The following TTLL5 variants were observed in gnomAD, a reference collection of about 807,000 sequenced individuals.
The protein encoded by TTLL5 is tubulin tyrosine ligase like 5.
Under a neutral mutation model 168.4 loss-of-function variants are expected in TTLL5, and 132 were observed. The observed-to-expected ratio is 0.78, with a 90% CI of 0.68 to 0.91. The LOEUF (loss-of-function observed/expected upper bound fraction) is 0.91, where lower values mean the gene tolerates loss of function less well. TTLL5 is among the 40% of genes least tolerant of loss of function. The pLI is 0.00. For missense variants in TTLL5, 1,545 were observed against 1,581.5 expected, an observed-to-expected ratio of 0.98 and a Z score of 0.39; for synonymous variants, 546 against 558.6, an observed-to-expected ratio of 0.98 and a Z score of 0.32.
chr14:75,716,316 T>C (rs1234404836), intron 9 of TTLL5, among the ~76,000 whole-genome samples: 1 of 152,216 alleles, frequency 6.6e-6, no homozygotes, highest in African/African-American at 2.4e-5. Context: ...TTTAGCCTAG[T>C]CATCATTTTC....
rs1188583905 is a variant in TTLL5, at chr14:75,904,213, A to AG, written c.3823+1989_3823+1990insG. 3 of 1,217,552 alleles carry AG rather than the reference A, an allele frequency of 2.5e-6. No individual in the cohort carries two copies. The African/African-American group carries it at 4.9e-5, about 20-fold the overall frequency. 75.4% of individuals were successfully genotyped at this position (1,217,552 alleles called of 1,614,324 possible). ...TCACCTCACTCCTCCAAAAAAAAAA[A>AG]AAAGGAAAGAAAAAAAGAATTACTA... On this transcript the variant is annotated intron_variant, in intron 31 of 31. Coordinates refer to ENST00000298832, the MANE Select transcript of TTLL5 (RefSeq NM_015072.5).
intron 29 of TTLL5, among the ~76,000 whole-genome samples, chr14:75,867,391 A>G (rs1247874488): frequency 6.6e-6 from 1 of 152,202 alleles, no homozygotes; most frequent in South Asian, 2.1e-4. Flanking sequence ...TTGTTTTAAT[A>G]ATAATAGCCA....
At chr14:75,893,687 G>A (rs771819590) in intron 30 of TTLL5, among the ~76,000 whole-genome samples, 7 of 151,862 alleles carry the variant, frequency 4.6e-5, no homozygotes, top group Middle Eastern at 3.4e-3. Flanking sequence ...GCGGGGTGAC[G>A]CACGCCTGTA....
intron 31 of TTLL5, among the ~76,000 whole-genome samples, chr14:75,947,618 C>T (rs2034815651): frequency 6.6e-6 from 1 of 152,040 alleles, no homozygotes; most frequent in South Asian, 2.1e-4. Flanking sequence ...CTAGATTGAG[C>T]AGTCTGATAA....
At chr14:75,777,408 C>T (rs1891778200) in intron 23 of TTLL5, among the ~76,000 whole-genome samples, 1 of 152,160 alleles carries the variant, frequency 6.6e-6, no homozygotes, top group South Asian at 2.1e-4. Context: ...GTGAGGGTTA[C>T]ACCTAATTTA....
intron 31 of TTLL5, among the ~76,000 whole-genome samples, chr14:75,929,447 CTTTTT>C (rs370380415): frequency 1.7e-5 from 2 of 120,864 alleles, no homozygotes; most frequent in African/African-American, 6.3e-5. Context: ...ATAAAGATAC[CTTTTT>C]TTTTTTTTTT....
intron 28 of TTLL5, among the ~76,000 whole-genome samples, chr14:75,852,233 C>T (rs1005506978): frequency 6.6e-6 from 1 of 152,130 alleles, no homozygotes; most frequent in African/African-American, 2.4e-5. Flanking sequence ...TGGTGTGGAC[C>T]CAGAGTGCAA....
intron 2 of TTLL5, among the ~76,000 whole-genome samples, chr14:75,665,125 G>A (rs1016668335): frequency 1.3e-5 from 2 of 151,994 alleles, no homozygotes; most frequent in Non-Finnish European, 2.9e-5. Flanking sequence ...TGTTTTTAAG[G>A]CTTAAAATAA....
At chr14:75,710,153 T>A (rs1886965108) in intron 9 of TTLL5, 1 of 152,166 alleles carries the variant, frequency 6.6e-6, no homozygotes, top group Non-Finnish European at 1.5e-5. Context: ...ATCATAGCAA[T>A]ATGTTTTGCT....
chr14:75,788,885 C>G (rs1205879258), intron 26 of TTLL5, among the ~76,000 whole-genome samples: 2 of 152,076 alleles, frequency 1.3e-5, no homozygotes, highest in African/African-American at 2.4e-5. Flanking sequence ...CTAGCAACAT[C>G]TAAAAGAGGT....
chr14:75,813,475 A>G (rs1054833254), intron 27 of TTLL5, among the ~76,000 whole-genome samples: 6 of 151,808 alleles, frequency 4.0e-5, no homozygotes, highest in Admixed American at 6.6e-5. Flanking sequence ...GCTAATTTTT[A>G]TATTTTTAGT....
At chr14:75,792,794 A>G (rs529571679) in intron 26 of TTLL5, 122 bp from the exon 27 acceptor site, 4 of 773,922 alleles carry the variant, frequency 5.2e-6, no homozygotes, top group South Asian at 3.9e-5. Flanking sequence ...TATTTCTCCT[A>G]TATTATTAAA....
At chr14:75,699,980 C>T (rs993524680) in intron 7 of TTLL5, among the ~76,000 whole-genome samples, 1 of 152,184 alleles carries the variant, frequency 6.6e-6, no homozygotes, top group Non-Finnish European at 1.5e-5. Context: ...ATTGCATTTA[C>T]ATCATGTCCC....
intron 6 of TTLL5, among the ~76,000 whole-genome samples, chr14:75,692,145 A>C (rs1885510476): frequency 6.6e-6 from 1 of 152,216 alleles, no homozygotes; most frequent in Non-Finnish European, 1.5e-5. Context: ...CGCATCTATA[A>C]AATGGGAGTA....
At chr14:75,854,989 C>T (rs1214192270) in intron 28 of TTLL5, among the ~76,000 whole-genome samples, 2 of 151,862 alleles carry the variant, frequency 1.3e-5, no homozygotes, top group Non-Finnish European at 2.9e-5. Context: ...TTAGTGATGT[C>T]TTTTGATGAG....
At chr14:75,861,658 G>T (rs2030015306) in intron 28 of TTLL5, among the ~76,000 whole-genome samples, 1 of 152,104 alleles carries the variant, frequency 6.6e-6, no homozygotes. Flanking sequence ...AGGGTTTGGA[G>T]CAAGGTTGTT....
intron 7 of TTLL5, among the ~76,000 whole-genome samples, chr14:75,702,628 C>CTCT (rs764761783): frequency 2.0e-5 from 3 of 151,248 alleles, no homozygotes; most frequent in Non-Finnish European, 4.4e-5. Flanking sequence ...TGCGCCCTAA[C>CTCT]TCTTCCCTGG....
intron 14 of TTLL5, 140 bp downstream of exon 14, chr14:75,734,190 A>T: frequency 1.0e-5 from 8 of 766,096 alleles, no homozygotes; most frequent in Non-Finnish European, 1.5e-5. Context: ...ATTTTCAGGG[A>T]AATGTTTATA....
At chr14:75,736,068 T>A (rs1888887833) in intron 15 of TTLL5, among the ~76,000 whole-genome samples, 1 of 152,218 alleles carries the variant, frequency 6.6e-6, no homozygotes, top group Non-Finnish European at 1.5e-5. Flanking sequence ...CACCTTTACT[T>A]TTCATTTTAA....
Sources: allele counts gnomAD v4.1 joint callset (sites outside exome capture counted in the v4.1 genomes callset), GRCh38; gene constraint gnomAD v4.1.1; transcripts MANE v1.5; gene names NCBI Gene and HGNC (gene_info 2026-07-23, HGNC 2026-07-21).